The following TRIM25 variants were observed in gnomAD, a reference collection of about 807,000 sequenced individuals.
TRIM25 encodes the protein E3 ubiquitin/ISG15 ligase TRIM25.
A neutral mutation model predicts 65.2 loss-of-function variants in TRIM25; 45 were observed. The observed-to-expected ratio is 0.69, with a 90% confidence interval of 0.54 to 0.89. The LOEUF (loss-of-function observed/expected upper bound fraction) is 0.89, where lower values mean the gene tolerates loss of function less well. TRIM25 is among the 40% of genes least tolerant of loss of function. TRIM25 has a pLI of 0.00. For synonymous variants in TRIM25, 321 were observed against 340.4 expected, an observed-to-expected ratio of 0.94 and a Z score of 0.63; for missense variants, 714 against 803.7, an observed-to-expected ratio of 0.89 and a Z score of 1.35.
chr17:56,908,455 C>A lies in TRIM25; in HGVS notation c.693+13G>T. ...ACAGGGCAGGGCTGGCCTTGGAGAG[C>A]CCTGCCACTCACCCGCACATCCTGC... On this transcript the variant is annotated intron_variant, in intron 2 of 8. Coordinates refer to ENST00000316881, the MANE Select transcript of TRIM25 (RefSeq NM_005082.5). The A allele has an allele frequency of 6.2e-7, 1 of 1,612,808 alleles. No homozygotes were observed. The highest frequency in any genetic ancestry group is 8.5e-7 in the Non-Finnish European group (1 of 1,179,760).
chr17:56,893,272 G>A (rs955911152), intron 8 of TRIM25, among the ~76,000 whole-genome samples: 6 of 150,260 alleles, frequency 4.0e-5, no homozygotes, highest in African/African-American at 7.6e-5. Context: ...ACTGGAGCCC[G>A]AGTTTCCCCC....
chr17:56,913,481 C>G lies in TRIM25; in HGVS notation c.508G>C (p.Glu170Gln), dbSNP rs1216733443. 4 of 1,613,102 alleles carry G rather than the reference C, an allele frequency of 2.5e-6. No individual in the cohort carries two copies. In the African/African-American group the frequency reaches 5.3e-5, roughly 22 times the overall value. Residue 170 changes from glutamate to glutamine, a missense_variant, in exon 1 of 9, where the codon GAG (glutamate) becomes CAG (glutamine). By Grantham distance (29) the Glu-to-Gln change is conservative (BLOSUM62 2). This residue lies in a region of TRIM25 where 291 missense variants were observed against 281.8 expected (regional missense o/e 1.03). Transcript: ENST00000316881. This position sits in a 1 kb window ranked among gnomAD's most constrained non-coding sequence, Gnocchi z 6.1. ...ATGTGGCAGATGCACTCGCTGTGCT[C>G]GGGGCAGAAAAATTCCCGCAGCCGA... ...HNRLREFFCPEHSECICHICL... is the reference protein window; with the variant it reads ...HNRLREFFCPQHSECICHICL...
chr17:56,909,650 A>G (rs1909589267), intron 1 of TRIM25, among the ~76,000 whole-genome samples: 1 of 146,326 alleles, frequency 6.8e-6, no homozygotes, highest in African/African-American at 2.6e-5. Context: ...GCATCACTGC[A>G]CTCCAGCCTG....
chr17:56,913,574 C>T lies in TRIM25; in HGVS notation c.415G>A (p.Ala139Thr). The T allele has an allele frequency of 1.9e-6, 3 of 1,612,000 alleles. No homozygotes were observed. Among genetic ancestry groups the T allele is most frequent in the Middle Eastern group, 1.7e-4 (1 of 6,016 alleles). Residue 139 changes from alanine to threonine, a missense_variant, in exon 1 of 9, where the codon GCC (alanine) becomes ACC (threonine). Ala to Thr is a moderately conservative substitution (Grantham distance 58). Transcript: ENST00000316881. This position sits in a 1 kb window ranked among gnomAD's most constrained non-coding sequence, Gnocchi z 6.1. ...GGCTGCAGCGGGTGGTCCTGGAAGG[C>T]GGGGCTGTCGAAGTGCGGCTGCAGG... is the stretch of plus-strand genomic sequence containing the variant. ...EHLQPHFDSP[A>T]FQDHPLQPPV...
rs555400500 is a variant in TRIM25, at chr17:56,888,655, C to G, written c.*3045G>C. ...TACTCTCCTGCTTTCCCCTAGCCCC[C>G]ACAGTTAGACTGTCCCGCAGCAAAG... On this transcript the variant is annotated 3_prime_UTR_variant, in exon 9 of 9. Coordinates refer to ENST00000316881, the MANE Select transcript of TRIM25 (RefSeq NM_005082.5). 4 of 152,340 alleles carry G rather than the reference C, an allele frequency of 2.6e-5. No homozygotes were observed. In the South Asian group the frequency reaches 6.2e-4, roughly 24 times the overall value. 9.4% of individuals were successfully genotyped at this position (152,340 alleles called of 1,614,324 possible). A position where few individuals can be genotyped will look rare whatever the true frequency, so the allele number is the denominator to read the frequency against.
chr17:56,890,148 A>G lies in TRIM25; in HGVS notation c.*1552T>C, dbSNP rs1292627594. 3.2e-6 allele frequency: 1 copy of G among 308,754 alleles called. No individual in the cohort carries two copies. Among genetic ancestry groups the G allele is most frequent in the African/African-American group, 2.2e-5 (1 of 46,384 alleles). The allele number at this position is 308,754 out of a possible 1,614,324, so 19.1% of individuals were successfully genotyped here. A position where few individuals can be genotyped will look rare whatever the true frequency, so the allele number is the denominator to read the frequency against. On this transcript the variant is annotated 3_prime_UTR_variant, in exon 9 of 9. Transcript: ENST00000316881. The stretch of plus-strand genomic sequence containing the variant: ...AGTTCCCCAATGGTGACTTCTTTTC[A>G]TATTATAGGAAGCCTGACAGGAGCT...
Position 56,913,346 on chromosome 17 carries a change from C to G in TRIM25, c.597+46G>C, listed in dbSNP as rs1347998887. The G allele has an allele frequency of 3.3e-6, 5 of 1,496,730 alleles. No individual in the cohort carries two copies. The highest frequency in any genetic ancestry group is 4.5e-6 in the Non-Finnish European group (5 of 1,119,958). The allele number at this position is 1,496,730 out of a possible 1,614,324, so 92.7% of individuals were successfully genotyped here. On this transcript the variant is annotated intron_variant, in intron 1 of 8. Transcript: ENST00000316881. The surrounding 1 kb of genome is among the most constrained non-coding windows in gnomAD (Gnocchi z 6.1). Reference sequence around the variant, plus strand: ...GGCCCCCGGTGGCCCCTCTGCACCACCCATCAGGCCAGGCTGCCCTCTGCA... The same window carrying G: ...GGCCCCCGGTGGCCCCTCTGCACCAGCCATCAGGCCAGGCTGCCCTCTGCA...
chr17:56,913,755 C>T lies in TRIM25; in HGVS notation c.234G>A (p.Gln78=). The stretch of plus-strand genomic sequence containing the variant: ...CGGGTGGCTCCCGGGCCAGGTCGGC[C>T]TGCAGGAACTGCTCCACCACGTTGC... ...VLCNVVEQFL[Q]ADLAREPPAD... is the part of the protein sequence containing the mutation. The change falls in exon 1 of 9, where the codon CAG becomes CAA. Residue 78 remains glutamine, a synonymous_variant. Transcript: ENST00000316881. This position sits in a 1 kb window ranked among gnomAD's most constrained non-coding sequence, Gnocchi z 6.1. The T allele has an allele frequency of 6.5e-7, 1 of 1,547,158 alleles. No individual in the cohort carries two copies. Among genetic ancestry groups the T allele is most frequent in the Non-Finnish European group, 8.7e-7 (1 of 1,145,346 alleles).
At chr17:56,905,299 G>T (rs1909498594) in intron 2 of TRIM25, among the ~76,000 whole-genome samples, 1 of 152,190 alleles carries the variant, frequency 6.6e-6, no homozygotes, top group African/African-American at 2.4e-5. Context: ...AGGAGGCAGA[G>T]GTTACAGTGA....
rs908394322 is a variant in TRIM25, at chr17:56,895,022, C to T, written c.1363+321G>A. On this transcript the variant is annotated intron_variant, in intron 8 of 8. Coordinates refer to ENST00000316881, the MANE Select transcript of TRIM25 (RefSeq NM_005082.5). ...GCAGGCATGCCGGCAACGGGACGCC[C>T]GGTGAAGGCCGGTGACCGCAATCGC... 2.0e-5 allele frequency among the ~76,000 whole-genome samples: 3 copies of T among 152,152 alleles called. 1 individual carries two copies. The highest frequency in any genetic ancestry group is 4.8e-5 in the African/African-American group (2 of 41,436).
At chr17:56,903,379 C>T (rs1461529795) in intron 3 of TRIM25, among the ~76,000 whole-genome samples, 1 of 152,158 alleles carries the variant, frequency 6.6e-6, no homozygotes, top group Non-Finnish European at 1.5e-5. Context: ...GCCTGAGCAA[C>T]AAGAGTGAAA....
At chr17:56,904,202 A>AC (rs1303126419) in intron 3 of TRIM25, 53 bp downstream of exon 3, 12 of 1,481,852 alleles carry the variant, frequency 8.1e-6, no homozygotes, top group Non-Finnish European at 1.1e-5. Context: ...CAACAGCATG[A>AC]CATCAGGCAA....
At chr17:56,897,909 G>A (rs1021819313) in intron 5 of TRIM25, among the ~76,000 whole-genome samples, 1 of 152,146 alleles carries the variant, frequency 6.6e-6, no homozygotes, top group Non-Finnish European at 1.5e-5. Context: ...TCTGCACCAG[G>A]CATCCCAGCC....
chr17:56,903,311 G>T (rs1909450480), intron 3 of TRIM25, among the ~76,000 whole-genome samples: 1 of 152,264 alleles, frequency 6.6e-6, no homozygotes, highest in South Asian at 2.1e-4. Flanking sequence ...GAGGCAGGAG[G>T]ATCACTTGAG....
intron 4 of TRIM25, among the ~76,000 whole-genome samples, chr17:56,900,988 TGA>T (rs1407393695): frequency 6.6e-6 from 1 of 152,110 alleles, no homozygotes; most frequent in Non-Finnish European, 1.5e-5. Flanking sequence ...ATCAGCAGAC[TGA>T]GTCAGGAGAT....
intron 2 of TRIM25, among the ~76,000 whole-genome samples, chr17:56,905,825 G>C (rs966051115): frequency 6.6e-6 from 1 of 152,144 alleles, no homozygotes; most frequent in South Asian, 2.1e-4. Flanking sequence ...TAGATGGACT[G>C]TATTCCTGGA....
At chr17:56,893,050 G>T (rs1266482188) in intron 8 of TRIM25, among the ~76,000 whole-genome samples, 1 of 152,238 alleles carries the variant, frequency 6.6e-6, no homozygotes, top group Non-Finnish European at 1.5e-5. Flanking sequence ...CAGACAGAGG[G>T]AACAGTGAGA....
chr17:56,891,369 G>A lies in TRIM25; in HGVS notation c.*331C>T, dbSNP rs771046064. On this transcript the variant is annotated 3_prime_UTR_variant, in exon 9 of 9. Transcript: ENST00000316881. ...CAAGACAGAACCTACAGTAGCTATGGATTTTCTCTAAGAGGAATCGGGCAC... is the reference window on the plus strand; with the variant it reads ...CAAGACAGAACCTACAGTAGCTATGAATTTTCTCTAAGAGGAATCGGGCAC... 3 of 353,860 alleles carry A rather than the reference G, an allele frequency of 8.5e-6. No individual in the cohort carries two copies. Among genetic ancestry groups the A allele is most frequent in the Non-Finnish European group, 1.1e-5 (2 of 188,268 alleles). The allele number at this position is 353,860 out of a possible 1,614,324, so 21.9% of individuals were successfully genotyped here. A position where few individuals can be genotyped will look rare whatever the true frequency, so the allele number is the denominator to read the frequency against.
At chr17:56,903,265 T>C (rs1031376000) in intron 3 of TRIM25, among the ~76,000 whole-genome samples, 2 of 152,152 alleles carry the variant, frequency 1.3e-5, no homozygotes, top group Non-Finnish European at 2.9e-5. Context: ...CTGGGCATGG[T>C]GGCGTGCGCC....
Sources: allele counts gnomAD v4.1 joint callset (sites outside exome capture counted in the v4.1 genomes callset), GRCh38; gene constraint gnomAD v4.1.1; regional missense constraint gnomAD v4.1.1; non-coding constraint Gnocchi (gnomAD v3.1); transcripts MANE v1.5; gene names NCBI Gene and HGNC (gene_info 2026-07-23, HGNC 2026-07-21).